TMC1: variants seen among roughly 807,000 people sequenced by gnomAD.
TMC1 encodes the protein transmembrane channel like 1.
TMC1 carries 84 observed loss-of-function variants against 105.8 expected under a neutral mutation model. The observed-to-expected ratio is 0.79, with a 90% CI of 0.67 to 0.95. TMC1 has a LOEUF of 0.95. Ranked by LOEUF, TMC1 falls within the 40% of genes least tolerant of loss-of-function variation. TMC1 has a pLI of 0.00. For synonymous variants in TMC1, 315 were observed against 311.5 expected (o/e 1.01, Z -0.12); for missense variants, 817 against 914.1 (o/e 0.89, Z 1.37).
intron 13 of TMC1, among the ~76,000 whole-genome samples, chr9:72,774,002 T>C (rs909333829): frequency 6.6e-6 from 1 of 152,230 alleles, no homozygotes; most frequent in Non-Finnish European, 1.5e-5. Flanking sequence ...ATGAGAAAAT[T>C]ATTCAACAAA....
Position 72,751,863 on chromosome 9 carries a change from C to T in TMC1, c.549C>T (p.Ser183=), listed in dbSNP as rs375128682. The T allele has an allele frequency of 6.2e-7, 1 of 1,610,988 alleles. No homozygotes were observed. The highest frequency in any genetic ancestry group is 1.3e-5 in the African/African-American group (1 of 74,830). ...TCTTTGTAATAGGTCAGTTTGGCTC[C>T]TCAGTGGCCTCATACTTCCTCTTCT... ...KIKAIESQFG[S]SVASYFLFLR... is the part of the protein sequence containing the mutation. The change falls in exon 11 of 24, where the codon TCC becomes TCT. Residue 183 remains serine, a synonymous_variant. Transcript: ENST00000297784.
chr9:72,727,309 T>C (rs1488607192), intron 8 of TMC1, among the ~76,000 whole-genome samples: 2 of 152,200 alleles, frequency 1.3e-5, no homozygotes, highest in African/African-American at 2.4e-5. Context: ...CTAGATCTCA[T>C]TTTTCTTAAT....
chr9:72,700,882 T>A, intron 8 of TMC1: 1 of 186,114 alleles, frequency 5.4e-6, no homozygotes. Context: ...TATTTCTGCA[T>A]ATATACCCAA....
At chr9:72,535,968 C>T (rs1329033309) in intron 1 of TMC1, among the ~76,000 whole-genome samples, 2 of 152,196 alleles carry the variant, frequency 1.3e-5, no homozygotes, top group Non-Finnish European at 2.9e-5. Flanking sequence ...GGCCCCACCT[C>T]CAACATTGGG....
chr9:72,809,607 A>G (rs1828659918), intron 18 of TMC1, among the ~76,000 whole-genome samples: 1 of 152,206 alleles, frequency 6.6e-6, no homozygotes, highest in African/African-American at 2.4e-5. Context: ...AGAGGTTGCA[A>G]ATTTGGCCTG....
At chr9:72,683,731 TTTTATATATATATA>T (rs59315959) in intron 5 of TMC1, among the ~76,000 whole-genome samples, 721 of 49,614 alleles carry the variant, frequency 0.015, 30 homozygotes, top group African/African-American at 0.033. Flanking sequence ...GAGTTACACA[TTTTATATATATATA>T]TATATATATA....
At chr9:72,577,492 A>G in intron 1 of TMC1, among the ~76,000 whole-genome samples, 1 of 152,228 alleles carries the variant, frequency 6.6e-6, no homozygotes, top group East Asian at 1.9e-4. Context: ...CTCCATTTCT[A>G]GACAGATCAA....
At chr9:72,784,590 G>A (rs141564733) in intron 13 of TMC1, among the ~76,000 whole-genome samples, 66 of 152,218 alleles carry the variant, frequency 4.3e-4, no homozygotes, top group African/African-American at 1.6e-3. Context: ...CAATTACTGG[G>A]TAAATATCAA....
chr9:72,589,992 T>C (rs1824610476), intron 2 of TMC1, among the ~76,000 whole-genome samples: 1 of 152,204 alleles, frequency 6.6e-6, no homozygotes, highest in Admixed American at 6.5e-5. Flanking sequence ...AGCAGCTTCT[T>C]AGCTTCTGCT....
intron 11 of TMC1, among the ~76,000 whole-genome samples, chr9:72,752,880 A>G (rs897626746): frequency 1.3e-5 from 2 of 152,184 alleles, no homozygotes; most frequent in African/African-American, 2.4e-5. Context: ...TTACATTCAT[A>G]AAGAGATTTG....
chr9:72,582,217 A>T (rs1243320636), intron 2 of TMC1, among the ~76,000 whole-genome samples: 1 of 152,224 alleles, frequency 6.6e-6, no homozygotes, highest in Non-Finnish European at 1.5e-5. Flanking sequence ...TCAGTCTCCC[A>T]AAGTGCTGGG....
At chr9:72,590,886 T>C (rs1824627606) in intron 2 of TMC1, among the ~76,000 whole-genome samples, 1 of 152,182 alleles carries the variant, frequency 6.6e-6, no homozygotes, top group African/African-American at 2.4e-5. Context: ...ACTCAGGCCC[T>C]ACCCCACTCT....
Position 72,836,203 on chromosome 9 carries a change from C to T in TMC1, c.*230C>T. 1.7e-6 allele frequency: 1 copy of T among 603,254 alleles called. No individual in the cohort carries two copies. 37.4% of individuals were successfully genotyped at this position (603,254 alleles called of 1,614,324 possible). Reference sequence around the variant, plus strand: ...CTGTTTCTGCAGAGCCACTCTCTCCCCTGCTCCATTTCGTGACTTTTTTTT... The same window carrying T: ...CTGTTTCTGCAGAGCCACTCTCTCCTCTGCTCCATTTCGTGACTTTTTTTT... On this transcript the variant is annotated 3_prime_UTR_variant, in exon 24 of 24. Coordinates refer to ENST00000297784, the MANE Select transcript of TMC1 (RefSeq NM_138691.3).
rs538700287 is a variant in TMC1 at position 72,728,387 on chromosome 9, C to T, written c.363-11732C>T. On this transcript the variant is annotated intron_variant, in intron 8 of 23. Coordinates refer to ENST00000297784, the MANE Select transcript of TMC1 (RefSeq NM_138691.3). ...GTCTGGAATAGTCTTCAGTGATTAA[C>T]TTCTGTCCTTCCAGGTAAGAGGGGA... 8.5e-5 allele frequency among the ~76,000 whole-genome samples: 13 copies of T among 152,294 alleles called. No individual in the cohort carries two copies. In the East Asian group the frequency reaches 2.5e-3, roughly 29 times the overall value.
intron 10 of TMC1, among the ~76,000 whole-genome samples, chr9:72,750,471 A>G (rs1827564891): frequency 6.6e-6 from 1 of 152,156 alleles, no homozygotes; most frequent in Admixed American, 6.5e-5. Context: ...TTGCTTTTGT[A>G]AATCTATGAA....
At chr9:72,557,095 G>A (rs548371264) in intron 1 of TMC1, among the ~76,000 whole-genome samples, 1 of 152,020 alleles carries the variant, frequency 6.6e-6, no homozygotes, top group South Asian at 2.1e-4. Flanking sequence ...GACAGGACAG[G>A]TGGCTTGGCT....
At chr9:72,606,600 T>G (rs1824917267) in intron 2 of TMC1, among the ~76,000 whole-genome samples, 1 of 152,166 alleles carries the variant, frequency 6.6e-6, no homozygotes, top group Admixed American at 6.5e-5. Context: ...TTTGAAGTAT[T>G]TTTAGCTGCT....
chr9:72,607,193 G>A (rs1186197147), intron 2 of TMC1, among the ~76,000 whole-genome samples: 1 of 152,096 alleles, frequency 6.6e-6, no homozygotes, highest in Admixed American at 6.5e-5. Context: ...TTACAATGGA[G>A]TTTACAGTAA....
chr9:72,628,209 G>T, intron 4 of TMC1, 146 bp downstream of exon 4: 1 of 350,388 alleles, frequency 2.9e-6, no homozygotes, highest in South Asian at 2.2e-5. Flanking sequence ...GGGGGAGATT[G>T]TCTAAGCTGT....
Sources: gnomAD v4.1 joint callset for allele counts (sites outside exome capture counted in the v4.1 genomes callset) on GRCh38, gnomAD v4.1.1 for gene constraint, MANE v1.5 for transcripts, NCBI Gene and HGNC (gene_info 2026-07-23, HGNC 2026-07-21) for gene names.